The following EPHA6 variants were observed in gnomAD, a reference collection of about 807,000 sequenced individuals.
EPHA6 encodes ephrin type-A receptor 6.
Under a neutral mutation model 112.0 loss-of-function variants are expected in EPHA6, and 50 were observed. That is an observed-to-expected ratio of 0.45 (90% CI 0.36 to 0.56). The LOEUF (loss-of-function observed/expected upper bound fraction) is 0.56, where lower values mean the gene tolerates loss of function less well. Ranked by LOEUF, EPHA6 falls within the 20% of genes least tolerant of loss-of-function variation. EPHA6 has a pLI of 0.00. For missense variants in EPHA6, 1,280 were observed against 1,417.4 expected, an observed-to-expected ratio of 0.90 and a Z score of 1.56; for synonymous variants, 529 against 490.7, an observed-to-expected ratio of 1.08 and a Z score of -1.03.
intron 3 of EPHA6, among the ~76,000 whole-genome samples, chr3:97,026,496 G>A (rs995317160): frequency 6.6e-6 from 1 of 152,062 alleles, no homozygotes. Flanking sequence ...ATATTCCTAA[G>A]TATTTTCGTC....
intron 3 of EPHA6, among the ~76,000 whole-genome samples, chr3:97,185,974 A>G (rs1166396113): frequency 1.3e-5 from 2 of 148,200 alleles, no homozygotes; most frequent in African/African-American, 4.9e-5. Context: ...AAAAAACCAA[A>G]CACTGCATGT....
At chr3:97,427,631 C>A (rs954351798) in intron 6 of EPHA6, among the ~76,000 whole-genome samples, 1 of 151,604 alleles carries the variant, frequency 6.6e-6, no homozygotes, top group Non-Finnish European at 1.5e-5. Flanking sequence ...GTACAACAAA[C>A]CCCATGACAC....
intron 14 of EPHA6, among the ~76,000 whole-genome samples, chr3:97,657,903 C>T (rs1037671820): frequency 6.6e-6 from 1 of 151,666 alleles, no homozygotes; most frequent in African/African-American, 2.4e-5. Flanking sequence ...GATTAACTGC[C>T]CTACTACAAT....
At chr3:97,371,966 C>G (rs924724353) in intron 5 of EPHA6, among the ~76,000 whole-genome samples, 2 of 152,124 alleles carry the variant, frequency 1.3e-5, no homozygotes, top group Admixed American at 1.3e-4. Flanking sequence ...CTCAAACGCT[C>G]TCTCCTGATA....
chr3:96,987,222 C>A, intron 2 of EPHA6, 108 bp from the exon 3 acceptor site: 4 of 923,286 alleles, frequency 4.3e-6, no homozygotes, highest in African/African-American at 1.7e-5. Flanking sequence ...TCATTTGTAT[C>A]CTTTTAATTC....
chr3:97,554,190 A>G (rs575791899), intron 11 of EPHA6, among the ~76,000 whole-genome samples: 1 of 152,258 alleles, frequency 6.6e-6, no homozygotes, highest in African/African-American at 2.4e-5. Context: ...AACAAAACAA[A>G]AAGTATAAGA....
intron 10 of EPHA6, among the ~76,000 whole-genome samples, chr3:97,520,365 G>A (rs2107616848): frequency 6.6e-6 from 1 of 152,224 alleles, no homozygotes; most frequent in Non-Finnish European, 1.5e-5. Context: ...TCCAGGTGTA[G>A]ACCTTCCTTA....
In EPHA6 at chr3:97,755,204, C is replaced by A. The variant is rs1207137187; in HGVS notation, c.*6503C>A. 1.3e-5 allele frequency among the ~76,000 whole-genome samples: 2 copies of A among 152,120 alleles called. No individual in the cohort carries two copies. The highest frequency in any genetic ancestry group is 2.9e-5 in the Non-Finnish European group (2 of 68,016). ...AAGGTATTAAAGAAAAATCACTTGACAGATGAGGAGGAAAAGTAGCTCTTA... is the reference window on the plus strand; with the variant it reads ...AAGGTATTAAAGAAAAATCACTTGAAAGATGAGGAGGAAAAGTAGCTCTTA... On this transcript the variant is annotated 3_prime_UTR_variant, in exon 18 of 18. Coordinates refer to ENST00000389672, the MANE Select transcript of EPHA6 (RefSeq NM_001080448.3).
Position 97,558,250 on chromosome 3 carries a change from G to T in EPHA6, c.2386+25707G>T, listed in dbSNP as rs544999880. ...GCTGAAGGCATATTTGTCTGTAGCA[G>T]AAATGTCAGGCTTTCCCATATCCAC... is the stretch of plus-strand genomic sequence containing the variant. On this transcript the variant is annotated intron_variant, in intron 11 of 17. Coordinates refer to ENST00000389672, the MANE Select transcript of EPHA6 (RefSeq NM_001080448.3). Among the ~76,000 whole-genome samples the T allele has an allele frequency of 5.0e-4, 76 of 152,064 alleles. 1 individual carries two copies. Among genetic ancestry groups the T allele is most frequent in the Non-Finnish European group, 1.2e-4 (8 of 67,922 alleles).
chr3:97,137,977 T>C (rs1412773265), intron 3 of EPHA6, among the ~76,000 whole-genome samples: 1 of 152,118 alleles, frequency 6.6e-6, no homozygotes, highest in Non-Finnish European at 1.5e-5. Context: ...CACATAAATC[T>C]ACACAATCAA....
chr3:96,924,866 GGCCTTTTCT>G (rs1403614159), intron 2 of EPHA6, among the ~76,000 whole-genome samples: 1 of 152,024 alleles, frequency 6.6e-6, no homozygotes, highest in African/African-American at 2.4e-5. Context: ...TTTTATTGAA[GGCCTTTTCT>G]GCATCTATTG....
chr3:97,752,372 A>C lies in EPHA6; in HGVS notation c.*3671A>C, dbSNP rs2035923349. ...TCTTTTCCTACCAAATTTCTGCTCTACAAGGCAGTCAGTTAAATCTCTCAT... is the reference window on the plus strand; with the variant it reads ...TCTTTTCCTACCAAATTTCTGCTCTCCAAGGCAGTCAGTTAAATCTCTCAT... On this transcript the variant is annotated 3_prime_UTR_variant, in exon 18 of 18. Transcript: ENST00000389672. 7 of 224,628 alleles carry C rather than the reference A, an allele frequency of 3.1e-5. No homozygotes were observed. Among genetic ancestry groups the C allele is most frequent in the Non-Finnish European group, 3.5e-5 (4 of 112,680 alleles). 13.9% of individuals were successfully genotyped at this position (224,628 alleles called of 1,614,324 possible). A position where few individuals can be genotyped will look rare whatever the true frequency, so the allele number is the denominator to read the frequency against.
chr3:97,718,180 G>C (rs1237575952), intron 14 of EPHA6, among the ~76,000 whole-genome samples: 1 of 152,176 alleles, frequency 6.6e-6, no homozygotes, highest in Non-Finnish European at 1.5e-5. Flanking sequence ...TACTTAAATA[G>C]CTCAATATGC....
At chr3:96,823,593 G>A (rs1322516888) in intron 1 of EPHA6, among the ~76,000 whole-genome samples, 1 of 151,920 alleles carries the variant, frequency 6.6e-6, no homozygotes, top group African/African-American at 2.4e-5. Context: ...TTGCCATGAA[G>A]TGTGATAAGA....
chr3:97,585,014 C>T (rs1323238377), intron 11 of EPHA6, among the ~76,000 whole-genome samples: 1 of 152,094 alleles, frequency 6.6e-6, no homozygotes, highest in Non-Finnish European at 1.5e-5. Flanking sequence ...ACATGATGGA[C>T]GTATTAGCAG....
At chr3:97,662,135 A>G (rs748859179) in intron 14 of EPHA6, among the ~76,000 whole-genome samples, 1 of 152,122 alleles carries the variant, frequency 6.6e-6, no homozygotes, top group Non-Finnish European at 1.5e-5. Context: ...AGCTGAGGGA[A>G]AAAAGAGAAA....
chr3:97,677,968 G>T (rs533640006), intron 14 of EPHA6, among the ~76,000 whole-genome samples: 2 of 152,164 alleles, frequency 1.3e-5, no homozygotes, highest in East Asian at 1.9e-4. Flanking sequence ...TCACATTCAG[G>T]ACAAGATGAA....
intron 5 of EPHA6, among the ~76,000 whole-genome samples, chr3:97,373,284 G>A (rs762137710): frequency 2.8e-4 from 43 of 152,098 alleles, no homozygotes; most frequent in African/African-American, 9.1e-4. Context: ...ATTTCTGTTC[G>A]TTTTGTAATT....
chr3:97,656,980 C>T (rs2094141241), intron 14 of EPHA6, among the ~76,000 whole-genome samples: 1 of 151,782 alleles, frequency 6.6e-6, no homozygotes, highest in Non-Finnish European at 1.5e-5. Flanking sequence ...TAATATGTGT[C>T]ACAAAAAGGC....
Sources: allele counts gnomAD v4.1 joint callset (sites outside exome capture counted in the v4.1 genomes callset), GRCh38; gene constraint gnomAD v4.1.1; transcripts MANE v1.5; gene names NCBI Gene and HGNC (gene_info 2026-07-23, HGNC 2026-07-21).